The following CNTN4 variants were observed in gnomAD, a reference collection of about 807,000 sequenced individuals.
The protein encoded by CNTN4 is contactin-4.
CNTN4 carries 77 observed loss-of-function variants against 122.5 expected under a neutral mutation model. The ratio of observed to expected loss-of-function variants is 0.63; its 90% CI spans 0.52 to 0.76. The LOEUF is 0.76. Among genes scored for constraint, CNTN4 ranks in the 30% least tolerant of loss-of-function variants. The pLI, the probability that CNTN4 is intolerant of heterozygous loss-of-function variation, is 0.00. For missense variants in CNTN4, 1,256 were observed against 1,259.1 expected (o/e 1.00, Z 0.04); for synonymous variants, 512 against 447.0 (o/e 1.15, Z -1.83).
intron 6 of CNTN4, among the ~76,000 whole-genome samples, chr3:2,798,389 CTATA>C (rs1559514955): frequency 3.8e-4 from 57 of 150,784 alleles, no homozygotes; most frequent in African/African-American, 1.2e-3. Flanking sequence ...ATCTATCTAT[CTATA>C]TATCTATCTA....
At chr3:2,106,213 C>T (rs1215621877) in intron 2 of CNTN4, among the ~76,000 whole-genome samples, 1 of 152,178 alleles carries the variant, frequency 6.6e-6, no homozygotes, top group East Asian at 1.9e-4. Flanking sequence ...TGCAAGCTGT[C>T]AGTGGATCTA....
chr3:2,468,532 G>A (rs993465791), intron 3 of CNTN4, among the ~76,000 whole-genome samples: 7 of 152,130 alleles, frequency 4.6e-5, no homozygotes, highest in African/African-American at 1.7e-4. Context: ...TGTTGTGTCT[G>A]GGATCTACAG....
chr3:2,838,650 T>TA (rs1263648220), intron 7 of CNTN4, among the ~76,000 whole-genome samples: 1 of 152,110 alleles, frequency 6.6e-6, no homozygotes, highest in Non-Finnish European at 1.5e-5. Flanking sequence ...TGTTACCTCT[T>TA]AATCACCCAG....
chr3:2,156,235 G>A (rs998141511), intron 2 of CNTN4, among the ~76,000 whole-genome samples: 3 of 152,168 alleles, frequency 2.0e-5, no homozygotes, highest in Non-Finnish European at 4.4e-5. Context: ...GGGGACTTAG[G>A]AGGTGGCTGT....
chr3:2,777,040 G>T (rs2091350849), intron 6 of CNTN4, among the ~76,000 whole-genome samples: 1 of 151,988 alleles, frequency 6.6e-6, no homozygotes, highest in Non-Finnish European at 1.5e-5. Flanking sequence ...GAGCGCAGTG[G>T]CTCAATCTTG....
intron 5 of CNTN4, among the ~76,000 whole-genome samples, chr3:2,739,282 C>G (rs538777071): frequency 1.3e-5 from 2 of 151,868 alleles, no homozygotes; most frequent in Admixed American, 1.3e-4. Context: ...TTGAACACTG[C>G]TGGTAGCAAT....
chr3:2,771,728 T>C (rs191044365), intron 6 of CNTN4, among the ~76,000 whole-genome samples: 49 of 152,272 alleles, frequency 3.2e-4, no homozygotes, highest in South Asian at 8.3e-4. Flanking sequence ...TCTTGTACTT[T>C]AGTGGAAGAG....
chr3:2,608,975 C>G (rs1054979624), intron 4 of CNTN4, among the ~76,000 whole-genome samples: 1 of 152,190 alleles, frequency 6.6e-6, no homozygotes, highest in Non-Finnish European at 1.5e-5. Flanking sequence ...CTCCTTTCAT[C>G]TTCTCTGGAG....
chr3:2,331,558 G>T (rs538949950), intron 2 of CNTN4, among the ~76,000 whole-genome samples: 16 of 152,188 alleles, frequency 1.1e-4, no homozygotes, highest in Admixed American at 2.0e-4. Context: ...AGAATTTTTG[G>T]CTCTGTAGGG....
intron 2 of CNTN4, among the ~76,000 whole-genome samples, chr3:2,169,491 C>A (rs1285520863): frequency 6.6e-6 from 1 of 151,848 alleles, no homozygotes; most frequent in East Asian, 2.0e-4. Context: ...ACTGCAAGCT[C>A]CGCCTCCCGG....
At chr3:2,816,463 C>G (rs949106204) in intron 6 of CNTN4, among the ~76,000 whole-genome samples, 9 of 151,920 alleles carry the variant, frequency 5.9e-5, no homozygotes, top group African/African-American at 2.2e-4. Flanking sequence ...TAAAAGACTA[C>G]AAATATAGTG....
intron 4 of CNTN4, among the ~76,000 whole-genome samples, chr3:2,653,439 G>C (rs1379979721): frequency 6.6e-6 from 1 of 152,096 alleles, no homozygotes; most frequent in African/African-American, 2.4e-5. Flanking sequence ...TACCTTAAGA[G>C]AATTGTCAAA....
At chr3:2,959,663 T>TA (rs1157510143) in intron 13 of CNTN4, among the ~76,000 whole-genome samples, 1 of 146,504 alleles carries the variant, frequency 6.8e-6, no homozygotes, top group African/African-American at 2.5e-5. Flanking sequence ...ACTAAATTTT[T>TA]AAGTGACTGA....
chr3:2,416,318 G>A (rs1450176599), intron 3 of CNTN4, among the ~76,000 whole-genome samples: 1 of 151,958 alleles, frequency 6.6e-6, no homozygotes, highest in Non-Finnish European at 1.5e-5. Context: ...TAGTAATTTT[G>A]TGACCTTCAA....
At chr3:2,625,989 A>G (rs746222939) in intron 4 of CNTN4, among the ~76,000 whole-genome samples, 15 of 152,260 alleles carry the variant, frequency 9.9e-5, no homozygotes, top group East Asian at 3.9e-4. Flanking sequence ...CTGTTTGACA[A>G]TTTGTTGAGT....
At chr3:2,484,822 G>C (rs1209575513) in intron 3 of CNTN4, among the ~76,000 whole-genome samples, 1 of 152,220 alleles carries the variant, frequency 6.6e-6, no homozygotes, top group Non-Finnish European at 1.5e-5. Flanking sequence ...CATGCTCGAG[G>C]AGCCCTTCAG....
intron 3 of CNTN4, among the ~76,000 whole-genome samples, chr3:2,477,884 A>C (rs916698799): frequency 1.3e-5 from 2 of 152,216 alleles, no homozygotes; most frequent in Admixed American, 1.3e-4. Context: ...CAGTAGGAAC[A>C]GCTGCTTAAT....
intron 4 of CNTN4, among the ~76,000 whole-genome samples, chr3:2,623,284 C>T (rs2082061643): frequency 6.6e-6 from 1 of 150,682 alleles, no homozygotes; most frequent in African/African-American, 2.4e-5. Flanking sequence ...ATTTTCTACC[C>T]TCTTGTTTTG....
intron 2 of CNTN4, among the ~76,000 whole-genome samples, chr3:2,338,487 A>G (rs182992625): frequency 3.3e-5 from 5 of 151,958 alleles, no homozygotes; most frequent in African/African-American, 1.2e-4. Flanking sequence ...AAACTATAAG[A>G]CAGTTATTTT....
Sources: gnomAD v4.1 joint callset for allele counts (sites outside exome capture counted in the v4.1 genomes callset) on GRCh38, gnomAD v4.1.1 for gene constraint, MANE v1.5 for transcripts, NCBI Gene and HGNC (gene_info 2026-07-23, HGNC 2026-07-21) for gene names.